The following LAMA2 variants were observed in gnomAD, a reference collection of about 807,000 sequenced individuals.
The protein encoded by LAMA2 is laminin subunit alpha-2.
A neutral mutation model predicts 364.8 loss-of-function variants in LAMA2; 269 were observed. The ratio of observed to expected loss-of-function variants is 0.74; its 90% CI spans 0.67 to 0.82. The LOEUF (loss-of-function observed/expected upper bound fraction) is 0.82. Among genes scored for constraint, LAMA2 ranks in the 40% least tolerant of loss-of-function variants. LAMA2 has a pLI of 0.00. For synonymous variants in LAMA2, 1,379 were observed against 1,370.6 expected, an observed-to-expected ratio of 1.01 and a Z score of -0.14; for missense variants, 3,807 against 3,873.2, an observed-to-expected ratio of 0.98 and a Z score of 0.45.
intron 14 of LAMA2, among the ~76,000 whole-genome samples, chr6:129,256,126 A>G (rs935461633): frequency 2.0e-5 from 3 of 152,222 alleles, no homozygotes; most frequent in African/African-American, 7.2e-5. Context: ...TATGTTAAGC[A>G]CCTGAAATAG....
At chr6:129,331,497 G>C (rs1775649742) in intron 29 of LAMA2, among the ~76,000 whole-genome samples, 1 of 151,946 alleles carries the variant, frequency 6.6e-6, no homozygotes, top group Admixed American at 6.6e-5. Context: ...CCACTTTTCT[G>C]CATCTGTGCC....
At chr6:128,992,263 G>A (rs575359936) in intron 1 of LAMA2, among the ~76,000 whole-genome samples, 4 of 152,174 alleles carry the variant, frequency 2.6e-5, no homozygotes, top group East Asian at 1.9e-4. Context: ...TCCACTAATC[G>A]GCACCTTATA....
At chr6:129,004,743 T>C (rs1285187541) in intron 1 of LAMA2, among the ~76,000 whole-genome samples, 1 of 152,200 alleles carries the variant, frequency 6.6e-6, no homozygotes, top group African/African-American at 2.4e-5. Context: ...TACACTATTA[T>C]GTTACAGCTT....
At chr6:129,425,429 T>G (rs536442025) in intron 40 of LAMA2, among the ~76,000 whole-genome samples, 4 of 152,064 alleles carry the variant, frequency 2.6e-5, no homozygotes, top group Admixed American at 2.6e-4. Context: ...TACTTTTTTT[T>G]AATTTTTGAA....
At chr6:129,277,418 A>T (rs1055934715) in intron 17 of LAMA2, among the ~76,000 whole-genome samples, 1 of 152,188 alleles carries the variant, frequency 6.6e-6, no homozygotes, top group African/African-American at 2.4e-5. Context: ...CTGTAACTGC[A>T]ATTACAGCAA....
intron 28 of LAMA2, among the ~76,000 whole-genome samples, chr6:129,322,693 A>AT (rs1203292436): frequency 6.6e-6 from 1 of 152,164 alleles, no homozygotes; most frequent in African/African-American, 2.4e-5. Context: ...TTACAGCTAT[A>AT]TTTTTCTGCA....
rs780803957 is a variant in LAMA2, at chr6:129,514,330, T to TTTAA, written c.8989-41_8989-38dup. ...TATGTGTGAACCATCATGATACTTC[T>TTTAA]TTAATGAAACCATCTGTGACTGTTC... On this transcript the variant is annotated intron_variant, in intron 63 of 64. Coordinates refer to ENST00000421865, the MANE Select transcript of LAMA2 (RefSeq NM_000426.4). 3.6e-6 allele frequency: 5 copies of TTTAA among 1,374,128 alleles called. No individual in the cohort carries two copies. In the South Asian group the frequency reaches 5.9e-5, roughly 16 times the overall value. 85.1% of individuals were successfully genotyped at this position (1,374,128 alleles called of 1,614,324 possible). A position where few individuals can be genotyped will look rare whatever the true frequency, so the allele number is the denominator to read the frequency against.
intron 41 of LAMA2, among the ~76,000 whole-genome samples, chr6:129,434,355 C>A (rs758410283): frequency 6.9e-4 from 105 of 152,230 alleles, no homozygotes; most frequent in Non-Finnish European, 1.4e-3. Context: ...AATTCTAGCA[C>A]ATTTTTCTTC....
At chr6:129,250,987 G>T (rs933798078) in intron 13 of LAMA2, among the ~76,000 whole-genome samples, 1 of 148,180 alleles carries the variant, frequency 6.7e-6, no homozygotes, top group Non-Finnish European at 1.5e-5. Context: ...GGATGAAGTG[G>T]TCTGCTCTCT....
At position 129,481,342 on chromosome 6, in the gene LAMA2, A is replaced by T; in HGVS notation, c.7652A>T (p.Asn2551Ile). Residue 2551 changes from asparagine to isoleucine, a missense_variant, in exon 55 of 65, where the codon AAC (asparagine) becomes ATC (isoleucine). Around this residue, in one of 3 missense-constraint regions of LAMA2, gnomAD observed 3,333 missense variants for 3,345.7 expected, o/e 1.00. Transcript: ENST00000421865. The stretch of plus-strand genomic sequence containing the variant: ...CCAATTGATGTAGGAACAGAAATCA[A>T]CCTGTCATTCAGCACCAAGAATGAG... Reference protein sequence around the residue: ...PVPIDVGTEINLSFSTKNESG... With the variant: ...PVPIDVGTEIILSFSTKNESG... The T allele has an allele frequency of 6.2e-7, 1 of 1,613,866 alleles. No homozygotes were observed.
chr6:128,942,328 C>T (rs1780210044), intron 1 of LAMA2, among the ~76,000 whole-genome samples: 1 of 152,024 alleles, frequency 6.6e-6, no homozygotes, highest in South Asian at 2.1e-4. Flanking sequence ...ATCACCAGAT[C>T]ATTTTTAAAA....
intron 19 of LAMA2, among the ~76,000 whole-genome samples, chr6:129,289,842 T>TATATTA (rs1789569092): frequency 2.6e-5 from 4 of 152,164 alleles, no homozygotes; most frequent in African/African-American, 9.6e-5. Flanking sequence ...TTATAATTTT[T>TATATTA]AATGCTCTTT....
At position 129,393,049 on chromosome 6, in the gene LAMA2, G is replaced by A. The variant is rs764391289; in HGVS notation, c.5239G>A (p.Ala1747Thr). 1.2e-6 allele frequency: 2 copies of A among 1,612,924 alleles called. No homozygotes were observed. Among genetic ancestry groups the A allele is most frequent in the South Asian group, 1.1e-5 (1 of 91,078 alleles). Residue 1747 changes from alanine to threonine, a missense_variant, in exon 37 of 65, where the codon GCA (alanine) becomes ACA (threonine). Around this residue, in one of 3 missense-constraint regions of LAMA2, gnomAD observed 3,333 missense variants for 3,345.7 expected, o/e 1.00. Coordinates refer to ENST00000421865, the MANE Select transcript of LAMA2 (RefSeq NM_000426.4). Reference protein sequence around the residue: ...KEIAEDELVAAEALLKKVKKL... With the variant: ...KEIAEDELVATEALLKKVKKL... ...TTGGGCTGGGGGTGGTTACAGAGCTGCAGAAGCCCTTCTGAAAAAAGTGAA... is the reference window on the plus strand; with the variant it reads ...TTGGGCTGGGGGTGGTTACAGAGCTACAGAAGCCCTTCTGAAAAAAGTGAA...
chr6:128,934,081 C>T (rs982602171), intron 1 of LAMA2, among the ~76,000 whole-genome samples: 1 of 152,184 alleles, frequency 6.6e-6, no homozygotes, highest in Non-Finnish European at 1.5e-5. Context: ...TCATACATTT[C>T]AGTCTTGAAT....
At chr6:129,121,312 A>AT (rs1562255744) in intron 4 of LAMA2, among the ~76,000 whole-genome samples, 2 of 152,170 alleles carry the variant, frequency 1.3e-5, no homozygotes, top group South Asian at 2.1e-4. Flanking sequence ...ATTTAAAAAA[A>AT]TTTTTTGAGG....
intron 52 of LAMA2, among the ~76,000 whole-genome samples, chr6:129,473,820 A>G (rs1424271734): frequency 6.6e-6 from 1 of 152,042 alleles, no homozygotes; most frequent in Non-Finnish European, 1.5e-5. Context: ...TACAAGAACT[A>G]TATTAGTTGT....
intron 2 of LAMA2, among the ~76,000 whole-genome samples, chr6:129,056,369 A>G (rs945241223): frequency 6.6e-6 from 1 of 152,192 alleles, no homozygotes; most frequent in Non-Finnish European, 1.5e-5. Flanking sequence ...CAAAAGAACA[A>G]TTTGACTAAT....
chr6:129,410,656 A>G (rs528952897), intron 40 of LAMA2, among the ~76,000 whole-genome samples: 131 of 152,334 alleles, frequency 8.6e-4, no homozygotes, highest in Non-Finnish European at 1.5e-3. Context: ...TGACAGATAG[A>G]TGAATGGATG....
chr6:129,398,594 C>T (rs551895780), intron 37 of LAMA2, among the ~76,000 whole-genome samples: 97 of 150,986 alleles, frequency 6.4e-4, no homozygotes, highest in Non-Finnish European at 1.1e-3. Flanking sequence ...CCTGCCTCAG[C>T]CTCCCAAGTA....
Sources: allele counts gnomAD v4.1 joint callset (sites outside exome capture counted in the v4.1 genomes callset), GRCh38; gene constraint gnomAD v4.1.1; regional missense constraint gnomAD v4.1.1; transcripts MANE v1.5; gene names NCBI Gene and HGNC (gene_info 2026-07-23, HGNC 2026-07-21).